Variants in ALOX15 observed in about 807,000 individuals in gnomAD.
The protein encoded by ALOX15 is polyunsaturated fatty acid lipoxygenase ALOX15.
Under a neutral mutation model 71.7 loss-of-function variants are expected in ALOX15, and 68 were observed. That is an observed-to-expected ratio of 0.95 (90% CI 0.78 to 1.16). ALOX15 has a LOEUF of 1.16. Among genes scored for constraint, ALOX15 ranks in the 50% most tolerant of loss-of-function variants. ALOX15 has a pLI of 0.00. For synonymous variants in ALOX15, 346 were observed against 333.3 expected, an observed-to-expected ratio of 1.04 and a Z score of -0.42; for missense variants, 798 against 818.8, an observed-to-expected ratio of 0.97 and a Z score of 0.31.
intron 4 of ALOX15, 32 bp from the exon 5 acceptor site, chr17:4,638,716 CA>C: frequency 6.2e-7 from 1 of 1,613,366 alleles, no homozygotes; most frequent in Non-Finnish European, 8.5e-7. Context: ...AGGGTTTGAG[CA>C]TCATTCTGAG....
Position 4,631,925 on chromosome 17 carries a change from G to A in ALOX15, c.1773C>T (p.Ser591=), listed in dbSNP as rs768414572. The A allele has an allele frequency of 3.7e-6, 6 of 1,613,724 alleles. No individual in the cohort carries two copies. The South Asian group carries it at 6.6e-5, about 18-fold the overall frequency. The change falls in exon 13 of 14, where the codon TCC becomes TCT. Residue 591 remains serine, a synonymous_variant. Transcript: ENST00000293761. ...GGCGTCTGCCCAGCTGCCAAGTGAT[G>A]GACATCTGGAGAGAAGCCTGGTGGA... The part of the protein sequence containing the change: ...PNFHQASLQM[S]ITWQLGRRQP...
At position 4,632,009 on chromosome 17, in the gene ALOX15, C is replaced by T. The variant is rs777753372; in HGVS notation, c.1689G>A (p.Leu563=). The T allele has an allele frequency of 1.2e-6, 2 of 1,613,776 alleles. No individual in the cohort carries two copies. The highest frequency in any genetic ancestry group is 2.2e-5 in the South Asian group (2 of 91,008). The part of the protein sequence containing the change: ...WVPNAPCTMR[L]PPPTTKDATL... ...TTGCATCCTTGGTGGTTGGCGGGGG[C>T]AGCCGCATCGTGCAGGGTGCATTAG... Residue 563 remains leucine, a synonymous_variant, in exon 13 of 14, where the codon CTG becomes CTA. Transcript: ENST00000293761.
Position 4,641,617 on chromosome 17 carries a change from GC to G in ALOX15, c.34del (p.Ala12ProfsTer52), listed in dbSNP as rs1422723610. On this transcript the variant is annotated frameshift_variant, in exon 1 of 14. Transcript: ENST00000293761. LOFTEE classifies it high-confidence loss of function. ...GLYRIRVSTG[A>X]SLYAGSNNQV... ...GTTGTTGGAACCGGCATAGAGCGAG[GC>G]CCCAGTGGACACGCGGATGCGGTAG... 1.2e-6 allele frequency: 2 copies of G among 1,613,860 alleles called. No individual in the cohort carries two copies. The highest frequency in any genetic ancestry group is 2.2e-5 in the South Asian group (2 of 91,088).
rs753065107 is a variant in ALOX15, at chr17:4,631,982, C to T, written c.1716G>A (p.Thr572=). ...RLPPPTTKDA[T]LETVMATLPN... ...GCAGTGTCGCCATCACTGTCTCCAG[C>T]GTTGCATCCTTGGTGGTTGGCGGGG... is the stretch of plus-strand genomic sequence containing the variant. The change falls in exon 13 of 14, where the codon ACG becomes ACA. Residue 572 remains threonine (T), a synonymous_variant. Transcript: ENST00000293761. 5.6e-6 allele frequency: 9 copies of T among 1,613,990 alleles called. No homozygotes were observed. The highest frequency in any genetic ancestry group is 1.6e-4 in the Middle Eastern group (1 of 6,084).
chr17:4,640,253 C>T (rs1911271366), intron 1 of ALOX15, among the ~76,000 whole-genome samples: 1 of 128,450 alleles, frequency 7.8e-6, no homozygotes, highest in Non-Finnish European at 1.6e-5. Context: ...CAAGCGGGAG[C>T]CGTTCGAATG....
At chr17:4,638,071 T>A in intron 6 of ALOX15, 146 bp downstream of exon 6, 1 of 627,928 alleles carries the variant, frequency 1.6e-6, no homozygotes, top group Non-Finnish European at 2.8e-6. Flanking sequence ...GCTGAGCTTC[T>A]CCAGGGTCCC....
At position 4,633,074 on chromosome 17, in the gene ALOX15, C is replaced by T. The variant is rs1910969026; in HGVS notation, c.1418+72G>A. The T allele has an allele frequency of 6.8e-6, 11 of 1,609,252 alleles. No homozygotes were observed. In the African/African-American group the frequency reaches 1.2e-4, roughly 18 times the overall value. On this transcript the variant is annotated intron_variant, in intron 10 of 13. Coordinates refer to ENST00000293761, the MANE Select transcript of ALOX15 (RefSeq NM_001140.5). Reference sequence around the variant, plus strand: ...AGGGCCCCAGGCCCCCAACCAGACGCAGACCTCCTGCTCTCCTACATGTCT... The same window carrying T: ...AGGGCCCCAGGCCCCCAACCAGACGTAGACCTCCTGCTCTCCTACATGTCT...
intron 7 of ALOX15, among the ~76,000 whole-genome samples, chr17:4,636,396 C>G (rs1911104011): frequency 6.6e-6 from 1 of 152,162 alleles, no homozygotes; most frequent in South Asian, 2.1e-4. Context: ...CAACATTGGC[C>G]AGACAAAAAT....
intron 6 of ALOX15, among the ~76,000 whole-genome samples, chr17:4,637,546 G>A (rs1338460904): frequency 2.0e-5 from 3 of 152,102 alleles, no homozygotes; most frequent in Non-Finnish European, 2.9e-5. Flanking sequence ...TGGGACTACA[G>A]GTGCATGCCA....
chr17:4,635,347 T>C (rs191074839), intron 8 of ALOX15, among the ~76,000 whole-genome samples: 51 of 151,410 alleles, frequency 3.4e-4, no homozygotes, highest in Admixed American at 5.9e-4. Context: ...AGTGGGAGAA[T>C]TGCTTAAACC....
chr17:4,634,630 C>T (rs1911029479), intron 8 of ALOX15, among the ~76,000 whole-genome samples: 2 of 151,678 alleles, frequency 1.3e-5, no homozygotes, highest in South Asian at 4.2e-4. Flanking sequence ...CTATGTATTG[C>T]ATTATATCTG....
In ALOX15 at chr17:4,632,969, T is replaced by C. The variant is rs772009728; in HGVS notation, c.1432A>G (p.Ile478Val). 2.5e-6 allele frequency: 4 copies of C among 1,614,086 alleles called. No individual in the cohort carries two copies. The highest frequency in any genetic ancestry group is 3.4e-6 in the Non-Finnish European group (4 of 1,179,994). The stretch of plus-strand genomic sequence containing the variant: ...TCTGTCTTATAGTGGAGACTCACGA[T>C]TCCTTCCACATACCTACCAACCAAC... Reference protein sequence around the residue: ...WEIIYRYVEGIVSLHYKTDVA... With the variant: ...WEIIYRYVEGVVSLHYKTDVA... Residue 478 changes from isoleucine to valine, a missense_variant, in exon 11 of 14, where the codon ATC becomes GTC. Transcript: ENST00000293761.
At position 4,632,420 on chromosome 17, in the gene ALOX15, G is replaced by A; in HGVS notation, c.1541-139C>T. Reference sequence around the variant, plus strand: ...AACTCTTACAGGAATTACCATGACAGCAGGTTGGGGTGGGGGAGTGGGGAG... The same window carrying A: ...AACTCTTACAGGAATTACCATGACAACAGGTTGGGGTGGGGGAGTGGGGAG... On this transcript the variant is annotated intron_variant, in intron 11 of 13. Coordinates refer to ENST00000293761, the MANE Select transcript of ALOX15 (RefSeq NM_001140.5). The A allele has an allele frequency of 4.0e-6, 3 of 743,458 alleles. 1 individual carries two copies. In the South Asian group the frequency reaches 5.1e-5, roughly 13 times the overall value. The allele number at this position is 743,458 out of a possible 1,614,324, so 46.1% of individuals were successfully genotyped here.
rs200554414 is a variant in ALOX15, at chr17:4,635,956, G to C, written c.964C>G (p.Arg322Gly). The C allele has an allele frequency of 1.2e-5, 20 of 1,613,586 alleles. No homozygotes were observed. Among genetic ancestry groups the C allele is most frequent in the Non-Finnish European group, 1.6e-5 (19 of 1,180,028 alleles). ...LPMVIQLQLP[R>G]TGSPPPPLFL... ...AGGGGAGGTGGTGGGGATCCTGTGC[G>C]GGGCAGCTGGAGCTGGAGCAGGGAC... Residue 322 changes from arginine (R) to glycine (G), a missense_variant, in exon 8 of 14, where the codon CGC becomes GGC. Arg to Gly is a moderately radical substitution (Grantham distance 125). Transcript: ENST00000293761.
intron 9 of ALOX15, 36 bp downstream of exon 9, chr17:4,633,378 A>G (rs753855618): frequency 6.2e-7 from 1 of 1,612,098 alleles, no homozygotes; most frequent in East Asian, 2.2e-5. Context: ...AGCTGGAAAA[A>G]AGACAGACCC....
Position 4,639,574 on chromosome 17 carries a change from G to A in ALOX15, c.193C>T (p.Leu65=). ...EYLGPLLFVK[L]RKRHLLKDDA... is the part of the protein sequence containing the mutation. ...TCCTTAAGGAGGTGCCGTTTGCGCA[G>A]TTTCACAAACAGCAGCGGCCCCAGA... The change falls in exon 2 of 14, where the codon CTG becomes TTG. Residue 65 remains leucine (L), a synonymous_variant. Coordinates refer to ENST00000293761, the MANE Select transcript of ALOX15 (RefSeq NM_001140.5). 1 of 1,614,130 alleles carries A rather than the reference G, an allele frequency of 6.2e-7. No individual in the cohort carries two copies. The highest frequency in any genetic ancestry group is 8.5e-7 in the Non-Finnish European group (1 of 1,180,038).
Position 4,631,989 on chromosome 17 carries a change from TC to T in ALOX15, c.1708del (p.Asp570MetfsTer7). The T allele has an allele frequency of 6.2e-7, 1 of 1,614,086 alleles. No individual in the cohort carries two copies. The highest frequency in any genetic ancestry group is 8.5e-7 in the Non-Finnish European group (1 of 1,180,038). ...CGCCATCACTGTCTCCAGCGTTGCATCCTTGGTGGTTGGCGGGGGCAGCCGC... is the reference window on the plus strand; with the variant it reads ...CGCCATCACTGTCTCCAGCGTTGCATCTTGGTGGTTGGCGGGGGCAGCCGC... ...TMRLPPPTTK[D>X]ATLETVMATL... On this transcript the variant is annotated frameshift_variant, in exon 13 of 14. Coordinates refer to ENST00000293761, the MANE Select transcript of ALOX15 (RefSeq NM_001140.5). LOFTEE classifies it high-confidence loss of function.
intron 8 of ALOX15, 26 bp from the exon 9 acceptor site, chr17:4,633,526 C>T (rs1420109144): frequency 6.3e-7 from 1 of 1,589,374 alleles, no homozygotes; most frequent in Non-Finnish European, 8.6e-7. Context: ...CAGGGAAGGG[C>T]AGAGTCAGAG....
chr17:4,637,395 A>T, intron 6 of ALOX15, 137 bp from the exon 7 acceptor site: 1 of 1,015,920 alleles, frequency 9.8e-7, no homozygotes, highest in Non-Finnish European at 1.3e-6. Flanking sequence ...TCATGTGCTT[A>T]CTTCCTCATA....
Sources: allele counts gnomAD v4.1 joint callset (sites outside exome capture counted in the v4.1 genomes callset), GRCh38; gene constraint gnomAD v4.1.1; transcripts MANE v1.5; gene names NCBI Gene and HGNC (gene_info 2026-07-23, HGNC 2026-07-21).